COL4A6: variants seen among roughly 807,000 people sequenced by gnomAD.
COL4A6 encodes collagen alpha-6(IV) chain.
COL4A6 carries 59 observed loss-of-function variants against 126.7 expected under a neutral mutation model. The observed-to-expected ratio is 0.47, with a 90% CI of 0.38 to 0.58. The LOEUF (loss-of-function observed/expected upper bound fraction) is 0.58, where lower values mean the gene tolerates loss of function less well. Among genes scored for constraint, COL4A6 ranks in the 20% least tolerant of loss-of-function variants. COL4A6 has a pLI of 0.00. For missense variants in COL4A6, 1,285 were observed against 1,337.3 expected, an observed-to-expected ratio of 0.96 and a Z score of 0.61; for synonymous variants, 547 against 496.6, an observed-to-expected ratio of 1.10 and a Z score of -1.35.
At chrX:108,328,442 A>G (rs1246459425) in intron 2 of COL4A6, among the ~76,000 whole-genome samples, 1 of 110,648 alleles carries the variant, frequency 9.0e-6, no homozygotes, top group Non-Finnish European at 1.9e-5. Flanking sequence ...AGAAAGAGAG[A>G]GAGAGAAATG....
chrX:108,424,839 C>G (rs955901667), intron 2 of COL4A6, among the ~76,000 whole-genome samples: 52 of 110,625 alleles, frequency 4.7e-4, no homozygotes, highest in African/African-American at 1.7e-3. Context: ...AGTGAAAACC[C>G]CATCTCTACA....
chrX:108,208,697 A>C (rs2035617187), intron 8 of COL4A6, among the ~76,000 whole-genome samples: 1 of 111,792 alleles, frequency 8.9e-6, no homozygotes, highest in Non-Finnish European at 1.9e-5. Flanking sequence ...GGTGAAATGC[A>C]AGGGTCCATT....
intron 3 of COL4A6, among the ~76,000 whole-genome samples, chrX:108,251,660 A>G (rs2036853369): frequency 8.9e-6 from 1 of 112,132 alleles, no homozygotes; most frequent in Admixed American, 9.5e-5. Flanking sequence ...AGTAGCTTAC[A>G]TTATAGGAGG....
intron 2 of COL4A6, among the ~76,000 whole-genome samples, chrX:108,352,581 C>CA (rs1456346134): frequency 1.8e-5 from 2 of 112,433 alleles, no homozygotes; most frequent in Non-Finnish European, 3.8e-5. Flanking sequence ...CTGGAATATA[C>CA]AGAGGTGTCC....
In COL4A6 at chrX:108,425,703, C is replaced by T. The variant is rs1045558458; in HGVS notation, c.63+12239G>A. Among the ~76,000 whole-genome samples, 30 of 107,490 alleles carry T rather than the reference C, an allele frequency of 2.8e-4. 1 individual carries two copies. The highest frequency in any genetic ancestry group is 1.0e-3 in the African/African-American group (30 of 29,049). The allele number at this position is 107,490 out of a possible 115,157, so 93.3% of individuals were successfully genotyped here. ...GAGCCGAGATCGCACCACTGCACTCCAGCCTGGGCGACAGCACAACACACA... is the reference window on the plus strand; with the variant it reads ...GAGCCGAGATCGCACCACTGCACTCTAGCCTGGGCGACAGCACAACACACA... On this transcript the variant is annotated intron_variant, in intron 2 of 44. Transcript: ENST00000334504.
chrX:108,415,557 T>G (rs972368138), intron 2 of COL4A6, among the ~76,000 whole-genome samples: 2 of 112,133 alleles, frequency 1.8e-5, no homozygotes, highest in African/African-American at 3.2e-5. Flanking sequence ...AATCCCTACC[T>G]ATCTGATATA....
At chrX:108,221,811 AG>A (rs2036025445) in intron 3 of COL4A6, among the ~76,000 whole-genome samples, 1 of 112,683 alleles carries the variant, frequency 8.9e-6, no homozygotes, top group Non-Finnish European at 1.9e-5. Flanking sequence ...CTGTGGCTAA[AG>A]AACATTGCCC....
chrX:108,263,545 G>T (rs2037220981), intron 3 of COL4A6, among the ~76,000 whole-genome samples: 1 of 111,618 alleles, frequency 9.0e-6, no homozygotes, highest in Admixed American at 9.5e-5. Context: ...TTTAGGAGTT[G>T]GTCCCAGGAA....
intron 28 of COL4A6, among the ~76,000 whole-genome samples, chrX:108,176,279 C>T (rs1055980269): frequency 3.0e-5 from 3 of 99,750 alleles, no homozygotes; most frequent in South Asian, 5.0e-4. Context: ...GAGCTGAGAT[C>T]GTGCCACTTC....
chrX:108,386,643 A>C (rs2040702397), intron 2 of COL4A6, among the ~76,000 whole-genome samples: 1 of 111,706 alleles, frequency 9.0e-6, no homozygotes, highest in South Asian at 3.8e-4. Flanking sequence ...AGATCACAAA[A>C]ATTTTCTCCC....
intron 3 of COL4A6, among the ~76,000 whole-genome samples, chrX:108,297,042 C>T (rs945999411): frequency 3.6e-5 from 4 of 111,610 alleles, no homozygotes; most frequent in African/African-American, 1.3e-4. Context: ...GTGGTAGCAA[C>T]GAAAGCCTGA....
intron 14 of COL4A6, among the ~76,000 whole-genome samples, chrX:108,196,005 T>C (rs1303590247): frequency 8.9e-6 from 1 of 111,763 alleles, no homozygotes; most frequent in Non-Finnish European, 1.9e-5. Context: ...GAGAGGCTAA[T>C]AGTTATTTTT....
At chrX:108,291,952 C>T (rs1257919981) in intron 3 of COL4A6, among the ~76,000 whole-genome samples, 1 of 111,799 alleles carries the variant, frequency 8.9e-6, no homozygotes, top group Non-Finnish European at 1.9e-5. Context: ...ATTTAGATGA[C>T]AAACATGATA....
At chrX:108,422,454 A>T (rs138456384) in intron 2 of COL4A6, among the ~76,000 whole-genome samples, 26 of 112,141 alleles carry the variant, frequency 2.3e-4, no homozygotes, top group African/African-American at 8.1e-4. Context: ...CAAAGACAGT[A>T]AGAGACAGCA....
Position 108,191,475 on chromosome X carries a change from G to T in COL4A6, c.1239C>A (p.Asn413Lys), listed in dbSNP as rs1283726382. 3 of 1,211,260 alleles carry T rather than the reference G, an allele frequency of 2.5e-6. No homozygotes were observed. The highest frequency in any genetic ancestry group is 1.1e-6 in the Non-Finnish European group (1 of 895,240). The change falls in exon 19 of 45, where the codon AAC becomes AAA. Residue 413 changes from asparagine (N) to lysine (K), a missense_variant. Asn to Lys is a moderately conservative substitution (Grantham distance 94). Coordinates refer to ENST00000334504, the MANE Select transcript of COL4A6 (RefSeq NM_033641.4). ...GFPGLKGDQG[N>K]PGRTTIGAAG... is the part of the protein sequence containing the mutation. ...CTGCTCCAATTGTGGTACGGCCTGG[G>T]TTTCCTTGGTCCCCCTTCAGCCCTG...
chrX:108,314,083 C>T (rs959643684), intron 2 of COL4A6, among the ~76,000 whole-genome samples: 7 of 111,933 alleles, frequency 6.3e-5, no homozygotes, highest in African/African-American at 2.3e-4. Context: ...AAACAGTTTT[C>T]ATCTCCATGA....
chrX:108,162,455 AAAG>A (rs201067756), intron 41 of COL4A6, among the ~76,000 whole-genome samples: 41,448 of 107,979 alleles, frequency 0.38, 6,368 homozygotes, highest in Middle Eastern at 0.48. Context: ...ACGAAGAAGA[AAAG>A]AAGAAGAAGA....
chrX:108,335,381 C>A (rs1255359789), intron 2 of COL4A6, among the ~76,000 whole-genome samples: 1 of 111,972 alleles, frequency 8.9e-6, no homozygotes, highest in Non-Finnish European at 1.9e-5. Context: ...ATGAGGTAAC[C>A]TTCCCAATAT....
intron 3 of COL4A6, among the ~76,000 whole-genome samples, chrX:108,279,897 G>A (rs1429029203): frequency 9.0e-6 from 1 of 111,046 alleles, no homozygotes; most frequent in African/African-American, 3.3e-5. Flanking sequence ...ATGACTTCTG[G>A]GTACACAACG....
Sources: gnomAD v4.1 joint callset for allele counts (sites outside exome capture counted in the v4.1 genomes callset) on GRCh38, gnomAD v4.1.1 for gene constraint, MANE v1.5 for transcripts, NCBI Gene and HGNC (gene_info 2026-07-23, HGNC 2026-07-21) for gene names.